RAPGEF4: variants seen among roughly 807,000 people sequenced by gnomAD.
RAPGEF4 encodes Rap guanine nucleotide exchange factor 4.
A neutral mutation model predicts 147.9 loss-of-function variants in RAPGEF4; 66 were observed. The ratio of observed to expected loss-of-function variants is 0.45; its 90% CI spans 0.37 to 0.55. RAPGEF4 has a LOEUF of 0.55. Ranked by LOEUF, RAPGEF4 falls within the 20% of genes least tolerant of loss-of-function variation. The pLI, the probability that RAPGEF4 is intolerant of heterozygous loss-of-function variation, is 0.00. For synonymous variants in RAPGEF4, 419 were observed against 442.7 expected (o/e 0.95, Z 0.67); for missense variants, 1,071 against 1,257.3 (o/e 0.85, Z 2.24).
rs571742067 is a variant in RAPGEF4, at chr2:172,992,672, G to A, written c.1490+1747G>A. Among the ~76,000 whole-genome samples the A allele has an allele frequency of 2.6e-4, 40 of 152,256 alleles. 1 individual carries two copies. In the South Asian group the frequency reaches 3.9e-3, roughly 15 times the overall value. ...TAAAAGGAATGGAAAAGAAGAGACC[G>A]TATGTTTTATTATTTTAGGCCTGAT... is the stretch of plus-strand genomic sequence containing the variant. On this transcript the variant is annotated intron_variant, in intron 15 of 30. Coordinates refer to ENST00000397081, the MANE Select transcript of RAPGEF4 (RefSeq NM_007023.4).
At position 172,922,296 on chromosome 2, in the gene RAPGEF4, A is replaced by G. The variant is rs376787687; in HGVS notation, c.533A>G (p.Glu178Gly). 25 of 1,606,958 alleles carry G rather than the reference A, an allele frequency of 1.6e-5. No homozygotes were observed. The highest frequency in any genetic ancestry group is 2.0e-5 in the Non-Finnish European group (24 of 1,173,528). ...GSNNDRIPDK[E>G]NTPLIEPHVP... is the part of the protein sequence containing the mutation. ...CCTCCTTTAGGGATTCCTGACAAGGAGAACGTGAGTAGCTACTCTCTCTGC... is the reference window on the plus strand; with the variant it reads ...CCTCCTTTAGGGATTCCTGACAAGGGGAACGTGAGTAGCTACTCTCTCTGC... Residue 178 changes from glutamate to glycine, a missense_variant, in exon 6 of 31, where the codon GAG (glutamate) becomes GGG (glycine). By Grantham distance (98) the Glu-to-Gly change is moderately conservative. Transcript: ENST00000397081.
chr2:173,052,677 GTTCA>G lies in RAPGEF4; in HGVS notation c.*915_*918del, dbSNP rs1450327560. ...TTTGCACTTTCAAAGATTGTAAATA[GTTCA>G]TTCAATCAATGGTATGGAGTTATTT... On this transcript the variant is annotated 3_prime_UTR_variant, in exon 31 of 31. Coordinates refer to ENST00000397081, the MANE Select transcript of RAPGEF4 (RefSeq NM_007023.4). 3 of 152,660 alleles carry G rather than the reference GTTCA, an allele frequency of 2.0e-5. No individual in the cohort carries two copies. The highest frequency in any genetic ancestry group is 4.8e-5 in the African/African-American group (2 of 41,534). The allele number at this position is 152,660 out of a possible 1,614,324, so 9.5% of individuals were successfully genotyped here.
intron 14 of RAPGEF4, 59 bp from the exon 15 acceptor site, chr2:172,990,751 A>T (rs1020157987): frequency 2.3e-6 from 3 of 1,289,870 alleles, no homozygotes; most frequent in Non-Finnish European, 3.3e-6. Flanking sequence ...GCATTTGAAA[A>T]TTTTTTCATT....
At chr2:172,894,908 GA>G (rs1429324697) in intron 4 of RAPGEF4, among the ~76,000 whole-genome samples, 2 of 152,090 alleles carry the variant, frequency 1.3e-5, no homozygotes, top group African/African-American at 4.8e-5. Context: ...AATTATTGCA[GA>G]ATTGGACTTG....
chr2:173,043,473 G>C (rs1685020250), intron 29 of RAPGEF4, among the ~76,000 whole-genome samples: 1 of 152,222 alleles, frequency 6.6e-6, no homozygotes, highest in Non-Finnish European at 1.5e-5. Context: ...GGAGGTCCTA[G>C]AGTGGTACCA....
intron 4 of RAPGEF4, among the ~76,000 whole-genome samples, chr2:172,875,123 G>A (rs1233479634): frequency 6.6e-6 from 1 of 152,114 alleles, no homozygotes; most frequent in East Asian, 1.9e-4. Flanking sequence ...ATTTGTTTGA[G>A]TTCTTTGTAG....
intron 4 of RAPGEF4, among the ~76,000 whole-genome samples, chr2:172,862,459 G>A (rs1694149092): frequency 6.6e-6 from 1 of 152,108 alleles, no homozygotes; most frequent in African/African-American, 2.4e-5. Flanking sequence ...TGTTTATTTA[G>A]CATTTGCTGT....
At chr2:172,799,747 A>T (rs1686779979) in intron 3 of RAPGEF4, among the ~76,000 whole-genome samples, 1 of 152,202 alleles carries the variant, frequency 6.6e-6, no homozygotes, top group Non-Finnish European at 1.5e-5. Context: ...AGAATTAAGG[A>T]GGAGAAAAGA....
At chr2:172,910,818 G>C (rs1559113904) in intron 4 of RAPGEF4, among the ~76,000 whole-genome samples, 2 of 152,184 alleles carry the variant, frequency 1.3e-5, no homozygotes, top group Non-Finnish European at 1.5e-5. Context: ...AAGCTGCAAG[G>C]CTTCTTCTGA....
chr2:172,875,799 G>A (rs1423555416), intron 4 of RAPGEF4, among the ~76,000 whole-genome samples: 2 of 152,198 alleles, frequency 1.3e-5, no homozygotes, highest in Non-Finnish European at 1.5e-5. Flanking sequence ...GATGTAGCTT[G>A]ATGGGGATGG....
At chr2:172,818,194 G>C (rs1033622845) in intron 4 of RAPGEF4, among the ~76,000 whole-genome samples, 1 of 151,738 alleles carries the variant, frequency 6.6e-6, no homozygotes, top group African/African-American at 2.4e-5. Flanking sequence ...GGAAAGGGGA[G>C]AGAGGGGTGA....
At position 172,776,718 on chromosome 2, in the gene RAPGEF4, A is replaced by G. The variant is rs1339107126; in HGVS notation, c.66-18307A>G. ...TTTTTTCTGCAGTGCCCAATCTACT[A>G]TTAAGTCCATACAGTGAATTTTTTT... On this transcript the variant is annotated intron_variant, in intron 1 of 30. Transcript: ENST00000397081. Among the ~76,000 whole-genome samples, 4 of 152,148 alleles carry G rather than the reference A, an allele frequency of 2.6e-5. No individual in the cohort carries two copies. In the East Asian group the frequency reaches 7.7e-4, roughly 29 times the overall value.
chr2:173,003,829 A>G (rs943334531), intron 17 of RAPGEF4, among the ~76,000 whole-genome samples: 3 of 152,210 alleles, frequency 2.0e-5, no homozygotes, highest in Non-Finnish European at 4.4e-5. Context: ...GCTTAACAGA[A>G]CACCTGCAAG....
At chr2:172,802,765 A>G (rs1248874770) in intron 3 of RAPGEF4, among the ~76,000 whole-genome samples, 1 of 152,194 alleles carries the variant, frequency 6.6e-6, no homozygotes, top group Non-Finnish European at 1.5e-5. Context: ...TGAGCATGTA[A>G]AATTAAAAGC....
chr2:172,921,353 T>C (rs1336087432), intron 5 of RAPGEF4, among the ~76,000 whole-genome samples: 2 of 152,106 alleles, frequency 1.3e-5, no homozygotes, highest in Non-Finnish European at 2.9e-5. Flanking sequence ...CTCCCAAAGT[T>C]CTGGGACTAC....
At position 172,789,737 on chromosome 2, in the gene RAPGEF4, C is replaced by T. The variant is rs759079873; in HGVS notation, c.66-5288C>T. Reference sequence around the variant, plus strand: ...GTATTTGTCTAAGACTGGTTTATTTCGCTTAGCAGAATGTCTTCAAGGTTC... The same window carrying T: ...GTATTTGTCTAAGACTGGTTTATTTTGCTTAGCAGAATGTCTTCAAGGTTC... On this transcript the variant is annotated intron_variant, in intron 1 of 30. Coordinates refer to ENST00000397081, the MANE Select transcript of RAPGEF4 (RefSeq NM_007023.4). 3.7e-4 allele frequency among the ~76,000 whole-genome samples: 56 copies of T among 152,194 alleles called. 1 individual carries two copies. Among genetic ancestry groups the T allele is most frequent in the Admixed American group, 3.3e-3 (50 of 15,274 alleles).
intron 17 of RAPGEF4, among the ~76,000 whole-genome samples, chr2:173,011,166 G>GCGCGCGCA (rs1694976381): frequency 2.8e-5 from 2 of 71,998 alleles, no homozygotes; most frequent in African/African-American, 1.0e-4. Context: ...TTCAGCGCGC[G>GCGCGCGCA]CGCGCACACA....
At chr2:172,859,098 A>T (rs1693747034) in intron 4 of RAPGEF4, among the ~76,000 whole-genome samples, 1 of 152,218 alleles carries the variant, frequency 6.6e-6, no homozygotes, top group Non-Finnish European at 1.5e-5. Flanking sequence ...TTAATAAGCA[A>T]AATTTAAAAT....
At chr2:172,757,992 T>C (rs900231298) in intron 1 of RAPGEF4, among the ~76,000 whole-genome samples, 2 of 152,048 alleles carry the variant, frequency 1.3e-5, no homozygotes, top group African/African-American at 4.8e-5. Flanking sequence ...ATATCTTATG[T>C]TTGAAGGCAG....
Sources: gnomAD v4.1 joint callset for allele counts (sites outside exome capture counted in the v4.1 genomes callset) on GRCh38, gnomAD v4.1.1 for gene constraint, MANE v1.5 for transcripts, NCBI Gene and HGNC (gene_info 2026-07-23, HGNC 2026-07-21) for gene names.